The following TTLL7 variants were observed in gnomAD, a reference collection of about 807,000 sequenced individuals.
The protein encoded by TTLL7 is tubulin polyglutamylase TTLL7.
TTLL7 carries 53 observed loss-of-function variants against 120.2 expected under a neutral mutation model. That is an observed-to-expected ratio of 0.44 (90% CI 0.35 to 0.55). The LOEUF is 0.55. TTLL7 is among the 20% of genes least tolerant of loss of function. The pLI is 0.00. For synonymous variants in TTLL7, 353 were observed against 351.7 expected, an observed-to-expected ratio of 1.00 and a Z score of -0.04; for missense variants, 803 against 1,054.7, an observed-to-expected ratio of 0.76 and a Z score of 3.31.
At chr1:83,964,045 G>C (rs1650237612) in intron 1 of TTLL7, among the ~76,000 whole-genome samples, 1 of 152,080 alleles carries the variant, frequency 6.6e-6, no homozygotes, top group African/African-American at 2.4e-5. Flanking sequence ...TTTGCTTTTA[G>C]ATTATTAAAC....
At chr1:83,941,802 T>C (rs12119338) in intron 7 of TTLL7, among the ~76,000 whole-genome samples, 4,516 of 152,262 alleles carry the variant, frequency 0.03, 76 homozygotes, top group Middle Eastern at 0.082. Context: ...TTTATAAATA[T>C]GTTATGGCTG....
intron 10 of TTLL7, among the ~76,000 whole-genome samples, chr1:83,926,858 G>GA (rs1308108008): frequency 6.6e-6 from 1 of 152,020 alleles, no homozygotes; most frequent in East Asian, 1.9e-4. Context: ...ACTTATGGAG[G>GA]AAAAAGATTC....
At chr1:83,976,023 T>TTG (rs1651437438) in intron 1 of TTLL7, among the ~76,000 whole-genome samples, 1 of 124,128 alleles carries the variant, frequency 8.1e-6, no homozygotes, top group Non-Finnish European at 1.7e-5. Flanking sequence ...TCCTGAAATT[T>TTG]TGTCTCTCTC....
intron 20 of TTLL7, among the ~76,000 whole-genome samples, chr1:83,871,490 T>C (rs951960642): frequency 6.6e-6 from 1 of 152,142 alleles, no homozygotes. Context: ...AAGATACTTA[T>C]GAGGAATTTC....
intron 13 of TTLL7, among the ~76,000 whole-genome samples, chr1:83,919,068 C>T (rs1290910570): frequency 6.6e-6 from 1 of 152,016 alleles, no homozygotes; most frequent in Non-Finnish European, 1.5e-5. Flanking sequence ...GTGAGTGAAG[C>T]TACCCTGGAT....
intron 20 of TTLL7, among the ~76,000 whole-genome samples, chr1:83,881,454 A>T (rs1654460560): frequency 6.6e-6 from 1 of 151,844 alleles, no homozygotes; most frequent in Non-Finnish European, 1.5e-5. Flanking sequence ...TCTCAAAAGA[A>T]GACATTTATG....
intron 20 of TTLL7, among the ~76,000 whole-genome samples, chr1:83,882,131 T>C (rs890963455): frequency 6.6e-6 from 1 of 150,592 alleles, no homozygotes; most frequent in African/African-American, 2.4e-5. Context: ...GAGATACACC[T>C]AATGGTAAAT....
intron 7 of TTLL7, among the ~76,000 whole-genome samples, chr1:83,938,472 G>A (rs1647623431): frequency 6.6e-6 from 1 of 152,080 alleles, no homozygotes; most frequent in African/African-American, 2.4e-5. Context: ...GAAAACTCAC[G>A]TAAGTAACAT....
At position 83,942,603 on chromosome 1, in the gene TTLL7, A is replaced by G. The variant is rs1379421586; in HGVS notation, c.583T>C (p.Phe195Leu). The change falls in exon 7 of 21, where the codon TTC becomes CTC. Residue 195 changes from phenylalanine to leucine, a missense_variant. Physicochemically the swap from Phe to Leu is conservative, Grantham distance 22. Around this residue, in one of 3 missense-constraint regions of TTLL7, gnomAD observed 324 missense variants for 507.7 expected, o/e 0.64. Transcript: ENST00000260505. The stretch of plus-strand genomic sequence containing the variant: ...TCAAACTTGTAACCTTCCATTAGGA[A>G]AGGCTTTTCAATGTATTCTTGAACA... ...LIVQEYIEKPFLMEGYKFDLR... is the reference protein window; with the variant it reads ...LIVQEYIEKPLLMEGYKFDLR... 5 of 1,613,864 alleles carry G rather than the reference A, an allele frequency of 3.1e-6. No individual in the cohort carries two copies. In the Admixed American group the frequency reaches 6.7e-5, roughly 22 times the overall value.
intron 20 of TTLL7, among the ~76,000 whole-genome samples, chr1:83,882,079 G>T (rs1654543198): frequency 8.8e-6 from 1 of 114,090 alleles, no homozygotes. Context: ...CACACTCTGG[G>T]AACTGTTGTG....
intron 1 of TTLL7, among the ~76,000 whole-genome samples, chr1:83,993,404 C>T (rs1057131432): frequency 6.6e-6 from 1 of 152,186 alleles, no homozygotes; most frequent in Non-Finnish European, 1.5e-5. Flanking sequence ...TACTGCCATA[C>T]CGTTGAATTA....
chr1:83,883,390 TGAGA>T (rs975111614), intron 19 of TTLL7, among the ~76,000 whole-genome samples: 6 of 152,026 alleles, frequency 3.9e-5, no homozygotes, highest in South Asian at 2.1e-4. Context: ...TGTTTGTATG[TGAGA>T]GAGAGAGTGT....
intron 1 of TTLL7, among the ~76,000 whole-genome samples, chr1:83,969,269 T>C (rs1650755485): frequency 2.6e-5 from 4 of 151,864 alleles, no homozygotes; most frequent in Admixed American, 2.6e-4. Flanking sequence ...TGATGGACAA[T>C]GGTAAGTTTC....
intron 13 of TTLL7, among the ~76,000 whole-genome samples, chr1:83,918,692 C>A (rs1427951588): frequency 6.6e-6 from 1 of 152,048 alleles, no homozygotes; most frequent in Non-Finnish European, 1.5e-5. Flanking sequence ...ATCATAACAG[C>A]CAGAAAAGGC....
intron 1 of TTLL7, among the ~76,000 whole-genome samples, chr1:83,991,985 G>GA (rs1447917593): frequency 3.0e-4 from 45 of 152,062 alleles, no homozygotes; most frequent in African/African-American, 1.0e-3. Flanking sequence ...CTACTAGAAT[G>GA]AAAAACCATA....
At chr1:83,933,202 G>C (rs1659752469) in intron 9 of TTLL7, among the ~76,000 whole-genome samples, 1 of 152,090 alleles carries the variant, frequency 6.6e-6, no homozygotes, top group Non-Finnish European at 1.5e-5. Context: ...GAGCCTCTCG[G>C]AGAGTCTGAA....
intron 6 of TTLL7, among the ~76,000 whole-genome samples, chr1:83,943,021 G>C (rs576729329): frequency 1.5e-4 from 23 of 152,278 alleles, no homozygotes; most frequent in African/African-American, 4.3e-4. Context: ...GGTCCTGGAG[G>C]GGGTAGAATG....
At chr1:83,888,126 G>A (rs1655118061) in intron 19 of TTLL7, among the ~76,000 whole-genome samples, 1 of 151,970 alleles carries the variant, frequency 6.6e-6, no homozygotes, top group African/African-American at 2.4e-5. Flanking sequence ...TCTGGTGTTG[G>A]AGATTATCTA....
At chr1:83,930,847 A>ATC (rs369813307) in intron 9 of TTLL7, among the ~76,000 whole-genome samples, 4 of 151,580 alleles carry the variant, frequency 2.6e-5, no homozygotes, top group African/African-American at 7.3e-5. Flanking sequence ...TCAGATCTCA[A>ATC]TCTCTCTCTC....
Sources: allele counts gnomAD v4.1 joint callset (sites outside exome capture counted in the v4.1 genomes callset), GRCh38; gene constraint gnomAD v4.1.1; regional missense constraint gnomAD v4.1.1; transcripts MANE v1.5; gene names NCBI Gene and HGNC (gene_info 2026-07-23, HGNC 2026-07-21).